Variants in STK4 observed in about 807,000 individuals in gnomAD.
The protein encoded by STK4 is serine/threonine kinase 4.
Under a neutral mutation model 64.9 loss-of-function variants are expected in STK4, and 30 were observed. That is an observed-to-expected ratio of 0.46 (90% CI 0.35 to 0.63). STK4 has a LOEUF of 0.63. STK4 is among the 20% of genes least tolerant of loss of function. The probability of loss-of-function intolerance (pLI) is 0.01; values close to 1 mark genes in which losing one functional copy is unlikely to be tolerated. For synonymous variants in STK4, 177 were observed against 199.0 expected, an observed-to-expected ratio of 0.89 and a Z score of 0.93; for missense variants, 466 against 598.5, an observed-to-expected ratio of 0.78 and a Z score of 2.31.
At chr20:44,990,991 T>C (rs1260441609) in intron 5 of STK4, among the ~76,000 whole-genome samples, 2 of 152,202 alleles carry the variant, frequency 1.3e-5, no homozygotes, top group African/African-American at 2.4e-5. Flanking sequence ...TTAGTTACTA[T>C]TGGGCCATCT....
intron 10 of STK4, among the ~76,000 whole-genome samples, chr20:45,048,512 T>C (rs79409911): frequency 7.5e-5 from 11 of 147,174 alleles, no homozygotes; most frequent in Admixed American, 7.5e-4. Flanking sequence ...TGCTTTGTGA[T>C]TTTTTTTTTT....
intron 10 of STK4, among the ~76,000 whole-genome samples, chr20:45,052,777 T>A (rs1978294216): frequency 6.6e-6 from 1 of 152,204 alleles, no homozygotes; most frequent in Non-Finnish European, 1.5e-5. Flanking sequence ...TCTGATGAGT[T>A]TCTTTTCTTC....
chr20:45,066,403 A>C (rs529978418), intron 10 of STK4, among the ~76,000 whole-genome samples: 1 of 152,342 alleles, frequency 6.6e-6, no homozygotes, highest in Admixed American at 6.5e-5. Context: ...ATTAAATCAT[A>C]TTCTTTATAC....
rs771374726 is a variant in STK4 at position 44,982,984 on chromosome 20, CAGA to C, written c.360+1044_360+1046del. 5.9e-4 allele frequency among the ~76,000 whole-genome samples: 90 copies of C among 152,076 alleles called. 1 individual carries two copies. The highest frequency in any genetic ancestry group is 1.8e-4 in the Non-Finnish European group (12 of 68,024). ...GAGTAGATAGTTGAGGAAGGTCACT[CAGA>C]AGTGGTGACGTTTACAGGAAGACTC... is the stretch of plus-strand genomic sequence containing the variant. On this transcript the variant is annotated intron_variant, in intron 4 of 10. Coordinates refer to ENST00000372806, the MANE Select transcript of STK4 (RefSeq NM_006282.5).
At chr20:45,039,635 T>C (rs1393741914) in intron 10 of STK4, among the ~76,000 whole-genome samples, 1 of 152,146 alleles carries the variant, frequency 6.6e-6, no homozygotes, top group East Asian at 1.9e-4. Context: ...ACAAGTGCTT[T>C]GCTTCAAAAT....
intron 1 of STK4, among the ~76,000 whole-genome samples, chr20:44,969,400 T>C (rs1219958928): frequency 6.6e-6 from 1 of 152,218 alleles, no homozygotes; most frequent in Non-Finnish European, 1.5e-5. Flanking sequence ...TAGACACCAT[T>C]ACTTGTGTTT....
intron 10 of STK4, among the ~76,000 whole-genome samples, chr20:45,068,280 T>C (rs995176162): frequency 6.6e-6 from 1 of 152,192 alleles, no homozygotes; most frequent in Non-Finnish European, 1.5e-5. Flanking sequence ...CTCTGACAGG[T>C]GTATTGCCCT....
At chr20:44,970,907 G>A (rs1330000112) in intron 1 of STK4, among the ~76,000 whole-genome samples, 1 of 151,394 alleles carries the variant, frequency 6.6e-6, no homozygotes, top group African/African-American at 2.4e-5. Context: ...GTGTGTGTGT[G>A]TGTGTATGTG....
intron 10 of STK4, 66 bp from the exon 11 acceptor site, chr20:45,074,952 G>C (rs1265600669): frequency 6.9e-5 from 110 of 1,583,076 alleles, no homozygotes; most frequent in Non-Finnish European, 9.3e-5. Context: ...GGGAAGGCTG[G>C]GCTTCTGCAC....
intron 4 of STK4, among the ~76,000 whole-genome samples, chr20:44,982,470 T>G (rs1463615621): frequency 6.6e-6 from 1 of 152,094 alleles, no homozygotes; most frequent in African/African-American, 2.4e-5. Flanking sequence ...AGTCCAGTGA[T>G]TTTTAGCATG....
intron 9 of STK4, among the ~76,000 whole-genome samples, chr20:45,020,471 T>TG (rs1382278083): frequency 5.9e-3 from 281 of 47,626 alleles, no homozygotes; most frequent in African/African-American, 0.04. Flanking sequence ...TGTGTGTATG[T>TG]TTATGTTTAT....
At chr20:45,041,221 C>T (rs1259534851) in intron 10 of STK4, among the ~76,000 whole-genome samples, 1 of 152,028 alleles carries the variant, frequency 6.6e-6, no homozygotes, top group Non-Finnish European at 1.5e-5. Flanking sequence ...GTCTACAAAA[C>T]AAAGTTGTTC....
intron 10 of STK4, among the ~76,000 whole-genome samples, chr20:45,056,960 C>CTGAT (rs1978534079): frequency 6.6e-6 from 1 of 152,244 alleles, no homozygotes; most frequent in Admixed American, 6.5e-5. Context: ...TCTGGGCAAG[C>CTGAT]CGTCGTTTAC....
At chr20:45,008,009 G>A (rs1321966722) in intron 9 of STK4, among the ~76,000 whole-genome samples, 4 of 152,130 alleles carry the variant, frequency 2.6e-5, no homozygotes, top group African/African-American at 9.7e-5. Context: ...TTTTGTGTTA[G>A]TTTGCTTAGA....
chr20:45,019,664 G>A (rs2068208009), intron 9 of STK4, among the ~76,000 whole-genome samples: 1 of 152,196 alleles, frequency 6.6e-6, no homozygotes, highest in East Asian at 1.9e-4. Context: ...AGAGCAAGAT[G>A]TGGTATTTTC....
At chr20:45,062,741 G>A (rs1013483222) in intron 10 of STK4, among the ~76,000 whole-genome samples, 4 of 151,560 alleles carry the variant, frequency 2.6e-5, no homozygotes, top group Non-Finnish European at 5.9e-5. Context: ...GCTGGAGCGC[G>A]ATCTTGGCTC....
chr20:45,060,286 G>T (rs1474170430), intron 10 of STK4, among the ~76,000 whole-genome samples: 3 of 152,172 alleles, frequency 2.0e-5, no homozygotes, highest in African/African-American at 7.2e-5. Context: ...TGACTAATGA[G>T]CTCATAAGTC....
At chr20:44,981,109 C>T (rs2067430671) in intron 3 of STK4, among the ~76,000 whole-genome samples, 1 of 152,070 alleles carries the variant, frequency 6.6e-6, no homozygotes, top group Admixed American at 6.6e-5. Flanking sequence ...ATCACATAGT[C>T]TATAACATTT....
At chr20:45,000,934 A>G (rs1433289083) in intron 8 of STK4, among the ~76,000 whole-genome samples, 1 of 152,214 alleles carries the variant, frequency 6.6e-6, no homozygotes, top group Non-Finnish European at 1.5e-5. Context: ...ACAAAACTCT[A>G]TTAAGAAGAG....
Sources: gnomAD v4.1 joint callset for allele counts (sites outside exome capture counted in the v4.1 genomes callset) on GRCh38, gnomAD v4.1.1 for gene constraint, MANE v1.5 for transcripts, NCBI Gene and HGNC (gene_info 2026-07-23, HGNC 2026-07-21) for gene names.